ACVR2A: variants seen among roughly 807,000 people sequenced by gnomAD.
The protein encoded by ACVR2A is activin A receptor type 2A.
ACVR2A carries 7 observed loss-of-function variants against 61.4 expected under a neutral mutation model. The ratio of observed to expected loss-of-function variants is 0.11; its 90% confidence interval spans 0.06 to 0.21. The LOEUF is 0.21. Among genes scored for constraint, ACVR2A ranks in the 10% least tolerant of loss-of-function variants. The probability of loss-of-function intolerance (pLI) is 1.00; values close to 1 mark genes in which losing one functional copy is unlikely to be tolerated. For missense variants in ACVR2A, 322 were observed against 621.7 expected (o/e 0.52, Z 5.13); for synonymous variants, 193 against 208.3 (o/e 0.93, Z 0.63).
Position 147,930,418 on chromosome 2 carries a change from A to ACTT in ACVR2A, c.*3145_*3147dup, listed in dbSNP as rs1448536536. 11 of 147,468 alleles carry ACTT rather than the reference A, an allele frequency of 7.5e-5. No homozygotes were observed. Among genetic ancestry groups the ACTT allele is most frequent in the Admixed American group, 6.8e-4 (10 of 14,690 alleles). 9.1% of individuals were successfully genotyped at this position (147,468 alleles called of 1,614,324 possible). A position where few individuals can be genotyped will look rare whatever the true frequency, so the allele number is the denominator to read the frequency against. On this transcript the variant is annotated 3_prime_UTR_variant, in exon 11 of 11. Coordinates refer to ENST00000241416, the MANE Select transcript of ACVR2A (RefSeq NM_001616.5). ...AGATACTTTCCAGTTTCTCTTTTAT[A>ACTT]CTTTTTTGAAAGATTACTTTTTAGG...
At chr2:147,844,831 G>A, upstream of ACVR2A, 1 of 228,032 alleles carries the variant, frequency 4.4e-6, no homozygotes, top group Non-Finnish European at 8.3e-6. Flanking sequence ...AGAGGCGAGC[G>A]GAGCTGACAG....
At chr2:147,879,941 T>C (rs1222620852) in intron 1 of ACVR2A, among the ~76,000 whole-genome samples, 5 of 152,196 alleles carry the variant, frequency 3.3e-5, no homozygotes, top group Non-Finnish European at 7.3e-5. Flanking sequence ...ATTCTAATGC[T>C]TATGCCTTAA....
intron 1 of ACVR2A, among the ~76,000 whole-genome samples, chr2:147,865,773 C>T (rs911969302): frequency 6.6e-6 from 1 of 152,174 alleles, no homozygotes. Flanking sequence ...ACAATCTTTA[C>T]CCTAGGGGAT....
At chr2:147,883,119 T>C (rs1686348988) in intron 1 of ACVR2A, among the ~76,000 whole-genome samples, 1 of 152,178 alleles carries the variant, frequency 6.6e-6, no homozygotes, top group Non-Finnish European at 1.5e-5. Context: ...GCCTCTAGGA[T>C]GTGTATCAAT....
chr2:147,889,172 T>G (rs1686516883), intron 1 of ACVR2A, among the ~76,000 whole-genome samples: 1 of 152,186 alleles, frequency 6.6e-6, no homozygotes, highest in Non-Finnish European at 1.5e-5. Context: ...TTTGCTGTGA[T>G]GTAATACTTT....
chr2:147,860,434 GATACGCTAATTGAAAATAGTTC>G (rs1164628361), intron 1 of ACVR2A, among the ~76,000 whole-genome samples: 1 of 152,026 alleles, frequency 6.6e-6, no homozygotes, highest in East Asian at 1.9e-4. Context: ...TGGTAGCTTT[GATACGCTAATTGAAAATAGTTC>G]TTTTTAAAGT....
chr2:147,926,540 T>C (rs1267052950), intron 10 of ACVR2A, among the ~76,000 whole-genome samples: 1 of 151,966 alleles, frequency 6.6e-6, no homozygotes, highest in Admixed American at 6.6e-5. Flanking sequence ...CTCCTCTCCA[T>C]GGGAGTTTGT....
rs1297670912 is a variant in ACVR2A at position 147,929,238 on chromosome 2, T to A, written c.*1964T>A. On this transcript the variant is annotated 3_prime_UTR_variant, in exon 11 of 11. Coordinates refer to ENST00000241416, the MANE Select transcript of ACVR2A (RefSeq NM_001616.5). ...TTTATTTCACAAAGTACTTGGTCTC[T>A]CAATTTCTTGATCTGGTTTTGCTTC... The A allele has an allele frequency of 1.3e-5, 2 of 152,026 alleles. No individual in the cohort carries two copies. Among genetic ancestry groups the A allele is most frequent in the Non-Finnish European group, 2.9e-5 (2 of 67,950 alleles). 9.4% of individuals were successfully genotyped at this position (152,026 alleles called of 1,614,324 possible).
chr2:147,890,465 G>C (rs1455158587), intron 1 of ACVR2A, among the ~76,000 whole-genome samples: 1 of 151,692 alleles, frequency 6.6e-6, no homozygotes, highest in Non-Finnish European at 1.5e-5. Context: ...AAACTTTTCA[G>C]CTCCCCATTC....
chr2:147,917,530 G>T (rs1687275663), intron 6 of ACVR2A, 104 bp downstream of exon 6: 4 of 1,173,756 alleles, frequency 3.4e-6, no homozygotes, highest in East Asian at 2.7e-5. Context: ...TCTTATAGTT[G>T]ATTAATATTT....
intron 1 of ACVR2A, among the ~76,000 whole-genome samples, chr2:147,893,611 T>G (rs912352118): frequency 1.3e-5 from 2 of 152,212 alleles, no homozygotes; most frequent in Admixed American, 1.3e-4. Context: ...AGTTTTAGTT[T>G]GCATTTCCCT....
intron 1 of ACVR2A, among the ~76,000 whole-genome samples, chr2:147,862,325 A>T (rs1480770548): frequency 6.6e-6 from 1 of 151,434 alleles, no homozygotes; most frequent in African/African-American, 2.4e-5. Flanking sequence ...GGCTAGCTTG[A>T]TGTTGTAACT....
At chr2:147,888,401 A>G (rs115998927) in intron 1 of ACVR2A, among the ~76,000 whole-genome samples, 512 of 152,314 alleles carry the variant, frequency 3.4e-3, no homozygotes, top group East Asian at 8.3e-3. Context: ...CAATCTTCCA[A>G]TCCATGAACA....
At chr2:147,886,631 C>T (rs1686439869) in intron 1 of ACVR2A, among the ~76,000 whole-genome samples, 1 of 152,098 alleles carries the variant, frequency 6.6e-6, no homozygotes, top group South Asian at 2.1e-4. Flanking sequence ...ATTTCATCCA[C>T]CTGTTTCAAA....
chr2:147,927,077 T>C lies in ACVR2A; in HGVS notation c.1348-3T>C. On this transcript the variant is annotated splice_region_variant and splice_polypyrimidine_tract_variant and intron_variant, in intron 10 of 10. Transcript: ENST00000241416. ...GTTTGAGTATATGTTTTTCTCCTTT[T>C]AGGGAATGGCAATGCTCTGTGAAAC... is the stretch of plus-strand genomic sequence containing the variant. The C allele has an allele frequency of 6.2e-7, 1 of 1,610,376 alleles. No homozygotes were observed. The highest frequency in any genetic ancestry group is 8.5e-7 in the Non-Finnish European group (1 of 1,178,030).
In ACVR2A at chr2:147,853,451, C is replaced by T. The variant is rs188909223; in HGVS notation, c.55+8244C>T. Among the ~76,000 whole-genome samples the T allele has an allele frequency of 4.2e-3, 632 of 152,110 alleles. 2 individuals are homozygous for T. Among genetic ancestry groups the T allele is most frequent in the Middle Eastern group, 6.8e-3 (2 of 294 alleles). ...AGACCCTACAGTAAAATACACTGTT[C>T]TAAGGAAGTAGATTTAGATGCTTTT... On this transcript the variant is annotated intron_variant, in intron 1 of 10. Coordinates refer to ENST00000241416, the MANE Select transcript of ACVR2A (RefSeq NM_001616.5).
intron 1 of ACVR2A, among the ~76,000 whole-genome samples, chr2:147,868,506 A>G (rs1200894181): frequency 6.6e-6 from 1 of 151,386 alleles, no homozygotes; most frequent in Admixed American, 6.6e-5. Flanking sequence ...AATAACACCA[A>G]CTCTTGAATT....
intron 1 of ACVR2A, among the ~76,000 whole-genome samples, chr2:147,893,399 G>A (rs140537914): frequency 6.6e-5 from 10 of 152,300 alleles, no homozygotes; most frequent in African/African-American, 2.4e-4. Flanking sequence ...ACCTACACAT[G>A]TGATTGCTGG....
At chr2:147,913,514 T>C (rs1687170702) in intron 4 of ACVR2A, among the ~76,000 whole-genome samples, 1 of 151,998 alleles carries the variant, frequency 6.6e-6, no homozygotes, top group Non-Finnish European at 1.5e-5. Flanking sequence ...CCTTGAGGAC[T>C]GAATGGTTTC....
Sources: gnomAD v4.1 joint callset for allele counts (sites outside exome capture counted in the v4.1 genomes callset) on GRCh38, gnomAD v4.1.1 for gene constraint, MANE v1.5 for transcripts, NCBI Gene and HGNC (gene_info 2026-07-23, HGNC 2026-07-21) for gene names.